Variants in ARHGAP6 observed in about 807,000 individuals in gnomAD.
ARHGAP6 encodes the protein rho GTPase-activating protein 6.
In ARHGAP6, 16 loss-of-function variants were observed where a neutral mutation model predicts 55.7. The observed-to-expected ratio is 0.29, with a 90% CI of 0.19 to 0.44. The LOEUF (loss-of-function observed/expected upper bound fraction) is 0.44, where lower values mean the gene tolerates loss of function less well. ARHGAP6 is among the 20% of genes least tolerant of loss of function. The pLI is 1.00. For missense variants in ARHGAP6, 698 were observed against 808.9 expected (o/e 0.86, Z 1.66); for synonymous variants, 382 against 360.9 (o/e 1.06, Z -0.66).
At chrX:11,370,684 A>G (rs957833296) in intron 1 of ARHGAP6, among the ~76,000 whole-genome samples, 1 of 111,952 alleles carries the variant, frequency 8.9e-6, no homozygotes, top group Non-Finnish European at 1.9e-5. Flanking sequence ...CCATTGATTA[A>G]TTCATTGACT....
At chrX:11,310,823 C>A (rs1364669256) in intron 1 of ARHGAP6, among the ~76,000 whole-genome samples, 1 of 111,975 alleles carries the variant, frequency 8.9e-6, no homozygotes, top group Non-Finnish European at 1.9e-5. Flanking sequence ...GTTCTGGCTT[C>A]ATGGTTCAGC....
At chrX:11,620,021 T>C (rs2052210255) in intron 1 of ARHGAP6, among the ~76,000 whole-genome samples, 1 of 112,228 alleles carries the variant, frequency 8.9e-6, no homozygotes, top group Non-Finnish European at 1.9e-5. Flanking sequence ...ATTGTCTTAA[T>C]TTCCCAAATG....
intron 1 of ARHGAP6, among the ~76,000 whole-genome samples, chrX:11,351,196 C>T (rs2048859784): frequency 9.0e-6 from 1 of 110,572 alleles, no homozygotes; most frequent in African/African-American, 3.3e-5. Context: ...AAAAATGATG[C>T]CTTTAAACTG....
intron 1 of ARHGAP6, among the ~76,000 whole-genome samples, chrX:11,371,013 C>G (rs1485498410): frequency 8.9e-6 from 1 of 112,020 alleles, no homozygotes; most frequent in African/African-American, 3.2e-5. Context: ...TATTTTCCAC[C>G]AGGGTTGCAC....
At chrX:11,193,167 G>A (rs1328113678) in intron 3 of ARHGAP6, among the ~76,000 whole-genome samples, 1 of 112,419 alleles carries the variant, frequency 8.9e-6, no homozygotes, top group Non-Finnish European at 1.9e-5. Context: ...GATTCATTCT[G>A]ATGAAATCAA....
chrX:11,520,452 G>C (rs1373377902), intron 1 of ARHGAP6, among the ~76,000 whole-genome samples: 1 of 107,591 alleles, frequency 9.3e-6, no homozygotes, highest in African/African-American at 3.4e-5. Context: ...GAGAATGATG[G>C]TTTCCAGCTT....
At chrX:11,296,369 C>T (rs2048083668) in intron 1 of ARHGAP6, among the ~76,000 whole-genome samples, 1 of 111,862 alleles carries the variant, frequency 8.9e-6, no homozygotes, top group Non-Finnish European at 1.9e-5. Flanking sequence ...CACTTCTCTC[C>T]CCATTATGGG....
chrX:11,369,536 A>G (rs746331249), intron 1 of ARHGAP6, among the ~76,000 whole-genome samples: 19 of 111,753 alleles, frequency 1.7e-4, no homozygotes, highest in Non-Finnish European at 2.6e-4. Context: ...CTCATCACTC[A>G]TACCTTTGTG....
intron 1 of ARHGAP6, among the ~76,000 whole-genome samples, chrX:11,594,320 G>A (rs1357925274): frequency 3.6e-5 from 4 of 112,245 alleles, no homozygotes; most frequent in Non-Finnish European, 7.5e-5. Flanking sequence ...CAGCAGAGAA[G>A]TCACAGCTAA....
At chrX:11,521,273 A>G (rs2050922600) in intron 1 of ARHGAP6, among the ~76,000 whole-genome samples, 1 of 111,850 alleles carries the variant, frequency 8.9e-6, no homozygotes, top group Non-Finnish European at 1.9e-5. Context: ...GTTTTCTTCT[A>G]GGGTTTTTAT....
intron 1 of ARHGAP6, among the ~76,000 whole-genome samples, chrX:11,393,474 T>C (rs1409226463): frequency 8.9e-6 from 1 of 112,056 alleles, no homozygotes; most frequent in African/African-American, 3.2e-5. Context: ...CATTATGTTA[T>C]TAATATAACT....
At chrX:11,498,485 C>T (rs1212215608) in intron 1 of ARHGAP6, among the ~76,000 whole-genome samples, 1 of 111,906 alleles carries the variant, frequency 8.9e-6, no homozygotes, top group African/African-American at 3.2e-5. Flanking sequence ...TCATTCCACT[C>T]TCACCATCTG....
Position 11,400,872 on chromosome X carries a change from A to G in ARHGAP6, c.589-146165T>C, listed in dbSNP as rs763287717. ...AATGTCAACTTCTAGTCATGTAAAT[A>G]GAATTAAAAACTCCTAGTGCTGTTT... is the stretch of plus-strand genomic sequence containing the variant. On this transcript the variant is annotated intron_variant, in intron 1 of 12. Coordinates refer to ENST00000337414, the MANE Select transcript of ARHGAP6 (RefSeq NM_013427.3). Among the ~76,000 whole-genome samples the G allele has an allele frequency of 6.2e-5, 7 of 112,321 alleles. No homozygotes were observed. The East Asian group carries it at 1.9e-3, about 31-fold the overall frequency.
intron 1 of ARHGAP6, among the ~76,000 whole-genome samples, chrX:11,273,531 G>T (rs2047717126): frequency 9.0e-6 from 1 of 110,825 alleles, no homozygotes; most frequent in Non-Finnish European, 1.9e-5. Context: ...AATTTTAACT[G>T]TTGTACCCTA....
At chrX:11,391,330 G>A (rs977177885) in intron 1 of ARHGAP6, among the ~76,000 whole-genome samples, 3 of 111,152 alleles carry the variant, frequency 2.7e-5, no homozygotes, top group Non-Finnish European at 5.7e-5. Flanking sequence ...GGGCAGAGGA[G>A]GGAGGGATAG....
chrX:11,513,902 C>T (rs1487128759), intron 1 of ARHGAP6, among the ~76,000 whole-genome samples: 1 of 110,369 alleles, frequency 9.1e-6, no homozygotes, highest in Non-Finnish European at 1.9e-5. Context: ...TGGCTTACAC[C>T]CATAATCCCA....
chrX:11,354,323 CTCTCTA>C (rs774151525), intron 1 of ARHGAP6, among the ~76,000 whole-genome samples: 2,698 of 56,327 alleles, frequency 0.048, 28 homozygotes, highest in East Asian at 0.11. Flanking sequence ...CTCTCTCTCT[CTCTCTA>C]TATATATATA....
At chrX:11,298,540 C>G in intron 1 of ARHGAP6, 2 of 1,211,463 alleles carry the variant, frequency 1.7e-6, no homozygotes, top group Non-Finnish European at 2.2e-6. Flanking sequence ...CTCTCTGTTT[C>G]TCACCAGTAC....
chrX:11,404,335 C>T (rs1309821991), intron 1 of ARHGAP6, among the ~76,000 whole-genome samples: 1 of 111,491 alleles, frequency 9.0e-6, no homozygotes, highest in African/African-American at 3.3e-5. Context: ...CTACATAATC[C>T]AGCCAAGCAA....
Sources: allele counts gnomAD v4.1 joint callset (sites outside exome capture counted in the v4.1 genomes callset), GRCh38; gene constraint gnomAD v4.1.1; transcripts MANE v1.5; gene names NCBI Gene and HGNC (gene_info 2026-07-23, HGNC 2026-07-21).